Variants in XKRX observed in about 807,000 individuals in gnomAD.
The protein encoded by XKRX is XK-related protein 2.
Under a neutral mutation model 22.4 loss-of-function variants are expected in XKRX, and 11 were observed. The ratio of observed to expected loss-of-function variants is 0.49; its 90% CI spans 0.31 to 0.81. XKRX has a LOEUF of 0.81. XKRX is among the 40% of genes least tolerant of loss of function. XKRX has a pLI of 0.05. For missense variants in XKRX, 320 were observed against 336.5 expected, an observed-to-expected ratio of 0.95 and a Z score of 0.38; for synonymous variants, 114 against 132.2, an observed-to-expected ratio of 0.86 and a Z score of 0.94.
downstream of XKRX, chrX:100,910,700 C>T (rs150997159): frequency 2.7e-3 from 1,396 of 511,284 alleles, 14 homozygotes; most frequent in African/African-American, 0.03. Context: ...GGCAACTCTG[C>T]GGCCTTCACC....
chrX:100,897,057 C>G, the XKRX span, among the ~76,000 whole-genome samples: 1 of 111,371 alleles, frequency 9.0e-6, no homozygotes, highest in East Asian at 2.8e-4. Context: ...AAATCTTAAA[C>G]TGCTTTCCAT....
At chrX:100,938,709 C>T in the XKRX span, among the ~76,000 whole-genome samples, 16 of 111,873 alleles carry the variant, frequency 1.4e-4, no homozygotes, top group East Asian at 4.2e-3. Context: ...TCTCTGGAAT[C>T]TCTAAGATCT....
At chrX:100,887,986 C>T in the XKRX span, 3 of 1,071,529 alleles carry the variant, frequency 2.8e-6, no homozygotes, top group Non-Finnish European at 3.9e-6. Context: ...CCACAACCAC[C>T]ACCAAAGTTT....
At chrX:100,921,044 A>G (rs1328172038) in intron 2 of XKRX, among the ~76,000 whole-genome samples, 4 of 111,429 alleles carry the variant, frequency 3.6e-5, no homozygotes, top group Non-Finnish European at 3.8e-5. Flanking sequence ...TGGGATTATA[A>G]GCATCCACCA....
At chrX:100,901,001 A>G in the XKRX span, among the ~76,000 whole-genome samples, 3 of 110,250 alleles carry the variant, frequency 2.7e-5, no homozygotes, top group Non-Finnish European at 3.8e-5. Flanking sequence ...CGTGTTAGCC[A>G]GGATGGTCTC....
chrX:100,912,920 G>A (rs1602409517), downstream of XKRX, among the ~76,000 whole-genome samples: 1 of 111,825 alleles, frequency 8.9e-6, no homozygotes, highest in Non-Finnish European at 1.9e-5. Context: ...AATCCTGGCC[G>A]CGTGAGGTGG....
chrX:100,907,776 C>T, the XKRX span, among the ~76,000 whole-genome samples: 3 of 111,937 alleles, frequency 2.7e-5, no homozygotes, highest in African/African-American at 9.7e-5. Context: ...CAAATATTAA[C>T]AAATCACCTT....
intron 2 of XKRX, among the ~76,000 whole-genome samples, chrX:100,919,651 G>A (rs1336890289): frequency 9.0e-6 from 1 of 111,495 alleles, no homozygotes; most frequent in African/African-American, 3.2e-5. Context: ...ACAAAAAGAT[G>A]CTCAGCTTCA....
the XKRX span, among the ~76,000 whole-genome samples, chrX:100,956,421 AAC>A: frequency 8.9e-6 from 1 of 111,904 alleles, no homozygotes; most frequent in East Asian, 2.8e-4. Flanking sequence ...CAGCCTGTGC[AAC>A]AGAGTGAGAC....
intron 1 of XKRX, among the ~76,000 whole-genome samples, chrX:100,925,733 G>A (rs1157442175): frequency 8.9e-6 from 1 of 111,997 alleles, no homozygotes; most frequent in Non-Finnish European, 1.9e-5. Flanking sequence ...AGGTCAAGAT[G>A]AGGTCTTCCT....
Position 100,914,343 on chromosome X carries a change from C to T in XKRX, c.1345G>A (p.Val449Ile), listed in dbSNP as rs1158625677. The T allele has an allele frequency of 1.7e-6, 2 of 1,205,202 alleles. No individual in the cohort carries two copies. Among genetic ancestry groups the T allele is most frequent in the African/African-American group, 3.5e-5 (2 of 57,031 alleles). The change falls in exon 3 of 3, where the codon GTC (valine) becomes ATC (isoleucine). Residue 449 changes from valine to isoleucine, a missense_variant. By Grantham distance (29) the Val-to-Ile change is conservative. Transcript: ENST00000372956. ...AAAATACCCAGAAAATAGAATCAGACAACACTTTGCCTTGCTTCAGTCTCA... is the reference window on the plus strand; with the variant it reads ...AAAATACCCAGAAAATAGAATCAGATAACACTTTGCCTTGCTTCAGTCTCA... ...PFETEARQSVV is the reference protein window; with the variant it reads ...PFETEARQSVI
chrX:100,924,106 C>T (rs2085488587), intron 1 of XKRX, among the ~76,000 whole-genome samples: 1 of 106,697 alleles, frequency 9.4e-6, no homozygotes, highest in African/African-American at 3.4e-5. Context: ...CCCACCTCAG[C>T]TTCCCAAAGT....
At chrX:100,950,957 G>A in the XKRX span, among the ~76,000 whole-genome samples, 2 of 111,390 alleles carry the variant, frequency 1.8e-5, no homozygotes, top group African/African-American at 6.5e-5. Context: ...ACAGGGCTGG[G>A]TGCGGGGGCT....
chrX:100,891,763 A>AAAGAAAG, the XKRX span, among the ~76,000 whole-genome samples: 471 of 59,169 alleles, frequency 8.0e-3, 27 homozygotes, highest in African/African-American at 0.019. Flanking sequence ...AAGAAAGAAG[A>AAAGAAAG]AAAGAAAGAA....
intron 2 of XKRX, among the ~76,000 whole-genome samples, chrX:100,917,674 A>AAAGAAAGAAAGAAAAGAAAG (rs34196882): frequency 4.7e-4 from 12 of 25,411 alleles, no homozygotes; most frequent in African/African-American, 1.2e-3. Context: ...AGAAAGAAAG[A>AAAGAAAGAAAGAAAAGAAAG]AAAGAAAGAA....
chrX:100,894,318 T>C, the XKRX span, among the ~76,000 whole-genome samples: 1 of 111,927 alleles, frequency 8.9e-6, no homozygotes, highest in Non-Finnish European at 1.9e-5. Flanking sequence ...TAGCTTGACT[T>C]GGTCATTTCA....
intron 1 of XKRX, among the ~76,000 whole-genome samples, chrX:100,925,282 A>G (rs1415693078): frequency 6.2e-5 from 7 of 112,124 alleles, no homozygotes. Flanking sequence ...AAATTAGAGT[A>G]CATTTTCATT....
Position 100,928,823 on chromosome X carries a change from G to A in XKRX, c.-519C>T. Reference sequence around the variant, plus strand: ...GAGCGGGCGCAGAAGAAGGAGGGCAGAAGAGGGGATTCAGTTCAGTGCCTA... The same window carrying A: ...GAGCGGGCGCAGAAGAAGGAGGGCAAAAGAGGGGATTCAGTTCAGTGCCTA... On this transcript the variant is annotated 5_prime_UTR_variant, in exon 1 of 3. Transcript: ENST00000372956. 1 of 756,805 alleles carries A rather than the reference G, an allele frequency of 1.3e-6. No individual in the cohort carries two copies. The highest frequency in any genetic ancestry group is 1.6e-6 in the Non-Finnish European group (1 of 641,198). 62.4% of individuals were successfully genotyped at this position (756,805 alleles called of 1,213,427 possible).
At position 100,914,430 on chromosome X, in the gene XKRX, G is replaced by A. The variant is rs910373624; in HGVS notation, c.1258C>T (p.Leu420Phe). ...SLFTHNVVDY[L>F]HCVCCHQHPR... The stretch of plus-strand genomic sequence containing the variant: ...TGCTGGTGACAGCAGACACAATGGA[G>A]GTAGTCTACTACATTATGGGTGAAG... Residue 420 changes from leucine to phenylalanine, a missense_variant, in exon 3 of 3, where the codon CTC becomes TTC. Leu to Phe is a conservative substitution (Grantham distance 22). Coordinates refer to ENST00000372956, the MANE Select transcript of XKRX (RefSeq NM_212559.3). 22 of 1,209,955 alleles carry A rather than the reference G, an allele frequency of 1.8e-5. No individual in the cohort carries two copies. The highest frequency in any genetic ancestry group is 2.1e-5 in the Non-Finnish European group (19 of 894,867).
Sources: gnomAD v4.1 joint callset for allele counts (sites outside exome capture counted in the v4.1 genomes callset) on GRCh38, gnomAD v4.1.1 for gene constraint, MANE v1.5 for transcripts, NCBI Gene and HGNC (gene_info 2026-07-23, HGNC 2026-07-21) for gene names.